The following SOX13 variants were observed in gnomAD, a reference collection of about 807,000 sequenced individuals.
The protein encoded by SOX13 is transcription factor SOX-13.
A neutral mutation model predicts 71.8 loss-of-function variants in SOX13; 28 were observed. The observed-to-expected ratio is 0.39, with a 90% CI of 0.29 to 0.53. SOX13 has a LOEUF of 0.53. Among genes scored for constraint, SOX13 ranks in the 20% least tolerant of loss-of-function variants. SOX13 has a pLI of 0.70. For synonymous variants in SOX13, 309 were observed against 317.8 expected, an observed-to-expected ratio of 0.97 and a Z score of 0.29; for missense variants, 627 against 810.3, an observed-to-expected ratio of 0.77 and a Z score of 2.75.
intron 1 of SOX13, among the ~76,000 whole-genome samples, chr1:204,095,818 T>A (rs2102236383): frequency 6.6e-6 from 1 of 152,270 alleles, no homozygotes; most frequent in African/African-American, 2.4e-5. Flanking sequence ...CATTAAGCAA[T>A]AGCGTCCCCT....
At chr1:204,090,046 C>T (rs1304976085) in intron 1 of SOX13, among the ~76,000 whole-genome samples, 1 of 152,178 alleles carries the variant, frequency 6.6e-6, no homozygotes, top group Non-Finnish European at 1.5e-5. Flanking sequence ...TATGGCTGGG[C>T]CTCTGGTGGG....
chr1:204,108,085 A>C (rs928134554), intron 1 of SOX13, among the ~76,000 whole-genome samples: 1 of 152,206 alleles, frequency 6.6e-6, no homozygotes, highest in Non-Finnish European at 1.5e-5. Context: ...GAGGTGTCCT[A>C]GTGCAGCGCT....
At chr1:204,082,310 G>T (rs377324526) in intron 1 of SOX13, among the ~76,000 whole-genome samples, 2 of 152,010 alleles carry the variant, frequency 1.3e-5, no homozygotes, top group African/African-American at 4.8e-5. Flanking sequence ...CCCTGGCCAG[G>T]CTCCTCCAAC....
chr1:204,126,086 G>C lies in SOX13; in HGVS notation c.1821G>C (p.Ser607=). 6.2e-7 allele frequency: 1 copy of C among 1,613,992 alleles called. No individual in the cohort carries two copies. The highest frequency in any genetic ancestry group is 1.3e-5 in the African/African-American group (1 of 75,054). Residue 607 remains serine, a synonymous_variant, in exon 14 of 14, where the codon TCG becomes TCC. Transcript: ENST00000367204. ...ACCGGTACAGCGAGGACGAGGACTC[G>C]GAGGGCGAAGAGAAGAGCGATGGGG... ...EMYRYSEDED[S]EGEEKSDGEL... is the part of the protein sequence containing the mutation.
intron 4 of SOX13, among the ~76,000 whole-genome samples, 162 bp downstream of exon 4, chr1:204,114,767 G>C (rs893395126): frequency 6.6e-6 from 1 of 152,074 alleles, no homozygotes; most frequent in Non-Finnish European, 1.5e-5. Context: ...TCGCCTGGAG[G>C]CCCCAAGCAT....
intron 1 of SOX13, among the ~76,000 whole-genome samples, chr1:204,085,688 A>G (rs1656001191): frequency 6.6e-6 from 1 of 152,010 alleles, no homozygotes; most frequent in Admixed American, 6.6e-5. Flanking sequence ...AAAAAAAAAA[A>G]AAAGATCCAG....
intron 4 of SOX13, chr1:204,116,151 ACTG>A: frequency 1.9e-5 from 24 of 1,235,544 alleles, no homozygotes; most frequent in Admixed American, 1.9e-4. Context: ...AGTGTGTCCC[ACTG>A]GATCCCTCCG....
chr1:204,080,590 T>A (rs1173131632), intron 1 of SOX13, among the ~76,000 whole-genome samples: 1 of 151,794 alleles, frequency 6.6e-6, no homozygotes, highest in African/African-American at 2.4e-5. Flanking sequence ...ATGTGCAGCC[T>A]GTGGAACAAG....
chr1:204,117,247 G>C, intron 6 of SOX13, 57 bp downstream of exon 6: 1 of 1,483,280 alleles, frequency 6.7e-7, no homozygotes, highest in Non-Finnish European at 9.4e-7. Context: ...GTTGACACCG[G>C]CCTGGAGGGT....
In SOX13 at chr1:204,117,122, A is replaced by G. The variant is rs1471419575; in HGVS notation, c.592A>G (p.Ile198Val). 6.2e-7 allele frequency: 1 copy of G among 1,613,646 alleles called. No homozygotes were observed. Among genetic ancestry groups the G allele is most frequent in the Admixed American group, 1.7e-5 (1 of 59,988 alleles). ...TCTGCCTACTCTTTCCCTCTCCCAGATTGCAAAGCAGCAGCAGCAGCTGAT... is the reference window on the plus strand; with the variant it reads ...TCTGCCTACTCTTTCCCTCTCCCAGGTTGCAAAGCAGCAGCAGCAGCTGAT... ...MELARQQQEQ[I>V]AKQQQQLIQQ... Residue 198 changes from isoleucine (I) to valine (V), a missense_variant and splice_region_variant, in exon 6 of 14, where the codon ATT (isoleucine) becomes GTT (valine). Physicochemically the swap from Ile to Val is conservative, Grantham distance 29. Coordinates refer to ENST00000367204, the MANE Select transcript of SOX13 (RefSeq NM_005686.3).
At chr1:204,114,244 C>A in intron 2 of SOX13, 77 bp from the exon 3 acceptor site, 2 of 954,828 alleles carry the variant, frequency 2.1e-6, no homozygotes, top group Non-Finnish European at 3.2e-6. Context: ...GGGTACACAT[C>A]TTTGGGGTGC....
chr1:204,103,076 C>T (rs966279337), intron 1 of SOX13, among the ~76,000 whole-genome samples: 9 of 152,188 alleles, frequency 5.9e-5, no homozygotes, highest in Non-Finnish European at 7.3e-5. Flanking sequence ...TTCTCCTTAC[C>T]TCCTTCCCTG....
rs1365531242 is a variant in SOX13 at position 204,086,444 on chromosome 1, C to T, written c.-2+12733C>T. Among the ~76,000 whole-genome samples the T allele has an allele frequency of 3.3e-5, 5 of 152,104 alleles. No individual in the cohort carries two copies. The South Asian group carries it at 6.2e-4, about 19-fold the overall frequency. ...TCAGCCTCCCGAGTAGCTGGGACTA[C>T]ACACATGTGCTGCCACACCCAGCTA... On this transcript the variant is annotated intron_variant, in intron 1 of 13. Coordinates refer to ENST00000367204, the MANE Select transcript of SOX13 (RefSeq NM_005686.3).
At position 204,075,232 on chromosome 1, in the gene SOX13, C is replaced by T. The variant is rs189191288; in HGVS notation, c.-2+1521C>T. On this transcript the variant is annotated intron_variant, in intron 1 of 13. Coordinates refer to ENST00000367204, the MANE Select transcript of SOX13 (RefSeq NM_005686.3). Reference sequence around the variant, plus strand: ...CCGCTCTCTGCCCTCTGCTCTCTGCCCTGGGCGTGGGGCTGTCTCCCTGCC... The same window carrying T: ...CCGCTCTCTGCCCTCTGCTCTCTGCTCTGGGCGTGGGGCTGTCTCCCTGCC... 1.2e-3 allele frequency among the ~76,000 whole-genome samples: 186 copies of T among 152,346 alleles called. 1 individual carries two copies. Among genetic ancestry groups the T allele is most frequent in the South Asian group, 3.1e-3 (15 of 4,832 alleles).
rs748281908 is a variant in SOX13 at position 204,117,756 on chromosome 1, G to A, written c.775+49G>A. 7.0e-6 allele frequency: 9 copies of A among 1,292,066 alleles called. No individual in the cohort carries two copies. The African/African-American group carries it at 1.0e-4, about 15-fold the overall frequency. 80.0% of individuals were successfully genotyped at this position (1,292,066 alleles called of 1,614,324 possible). A position where few individuals can be genotyped will look rare whatever the true frequency, so the allele number is the denominator to read the frequency against. On this transcript the variant is annotated intron_variant, in intron 7 of 13. Transcript: ENST00000367204. ...ACCACTGCGGCCAGCCTGTCCTGAG[G>A]TCAGGGAAAGCGCCCTGGAGCCACT...
In SOX13 at chr1:204,092,088, C is replaced by A. The variant is rs112373770; in HGVS notation, c.-2+18377C>A. ...TTTGATGTAGGGTCTTGCTCTGTTG[C>A]CCAGGCTGGAGTGCAGTGGCACGAC... On this transcript the variant is annotated intron_variant, in intron 1 of 13. Transcript: ENST00000367204. Among the ~76,000 whole-genome samples, 1,122 of 152,128 alleles carry A rather than the reference C, an allele frequency of 7.4e-3. 13 individuals are homozygous for A. The highest frequency in any genetic ancestry group is 0.026 in the African/African-American group (1,084 of 41,468).
chr1:204,087,599 G>A (rs1370129096), intron 1 of SOX13, among the ~76,000 whole-genome samples: 2 of 152,258 alleles, frequency 1.3e-5, no homozygotes, highest in African/African-American at 2.4e-5. Context: ...CCTCAGGGCT[G>A]TCACTTAGCC....
chr1:204,116,817 G>T, intron 5 of SOX13, 138 bp downstream of exon 5: 1 of 1,450,618 alleles, frequency 6.9e-7, no homozygotes, highest in Non-Finnish European at 9.2e-7. Context: ...TGTGGCCAGG[G>T]GCTGTAGGAT....
intron 12 of SOX13, 52 bp from the exon 13 acceptor site, chr1:204,124,589 G>C: frequency 1.3e-6 from 2 of 1,483,636 alleles, no homozygotes; most frequent in Non-Finnish European, 1.8e-6. Context: ...TGGGGCTGGG[G>C]GTGGTCAGCA....
Sources: gnomAD v4.1 joint callset for allele counts (sites outside exome capture counted in the v4.1 genomes callset) on GRCh38, gnomAD v4.1.1 for gene constraint, MANE v1.5 for transcripts, NCBI Gene and HGNC (gene_info 2026-07-23, HGNC 2026-07-21) for gene names.